NTM: variants seen among roughly 807,000 people sequenced by gnomAD.
NTM encodes IgLON family member 2.
In NTM, 13 loss-of-function variants were observed where a neutral mutation model predicts 42.1. The ratio of observed to expected loss-of-function variants is 0.31; its 90% CI spans 0.20 to 0.49. NTM has a LOEUF of 0.49. NTM is among the 20% of genes least tolerant of loss of function. NTM has a pLI of 0.99. For missense variants in NTM, 373 were observed against 452.8 expected, an observed-to-expected ratio of 0.82 and a Z score of 1.60; for synonymous variants, 187 against 179.2, an observed-to-expected ratio of 1.04 and a Z score of -0.35.
At chr11:131,551,348 A>T (rs2054635161) in intron 1 of NTM, among the ~76,000 whole-genome samples, 1 of 152,126 alleles carries the variant, frequency 6.6e-6, no homozygotes, top group South Asian at 2.1e-4. Context: ...GTTGGAAGTA[A>T]GCAAAAGAAG....
chr11:131,836,353 C>T (rs1370518330), intron 1 of NTM, among the ~76,000 whole-genome samples: 2 of 152,104 alleles, frequency 1.3e-5, no homozygotes, highest in Non-Finnish European at 2.9e-5. Context: ...ATCTTGTAAG[C>T]CCCCTTTAAA....
chr11:131,652,917 C>T (rs532906709), intron 1 of NTM, among the ~76,000 whole-genome samples: 10 of 152,348 alleles, frequency 6.6e-5, no homozygotes, highest in Non-Finnish European at 1.3e-4. Flanking sequence ...ATGCAACCTG[C>T]ACAATTGCCT....
At chr11:131,417,754 C>A (rs77974491) in intron 1 of NTM, among the ~76,000 whole-genome samples, 1 of 152,344 alleles carries the variant, frequency 6.6e-6, no homozygotes, top group East Asian at 1.9e-4. Flanking sequence ...TCTGGACCAG[C>A]TCTCTTCCTC....
chr11:132,036,558 T>C (rs2076533682), intron 2 of NTM, among the ~76,000 whole-genome samples: 1 of 152,060 alleles, frequency 6.6e-6, no homozygotes, highest in Admixed American at 6.6e-5. Flanking sequence ...ATGAGAAGGT[T>C]CAGTAACCTG....
chr11:131,593,673 C>T (rs1387646032), intron 1 of NTM, among the ~76,000 whole-genome samples: 3 of 152,324 alleles, frequency 2.0e-5, no homozygotes, highest in South Asian at 4.1e-4. Context: ...GCTGATAGTA[C>T]GTGGGCAAAG....
At chr11:131,876,429 A>G (rs1218765892) in intron 1 of NTM, among the ~76,000 whole-genome samples, 1 of 152,224 alleles carries the variant, frequency 6.6e-6, no homozygotes. Context: ...ACCAATCTTT[A>G]ATCCCTGGCT....
chr11:131,374,910 G>C (rs1941756356), intron 1 of NTM, among the ~76,000 whole-genome samples: 1 of 152,182 alleles, frequency 6.6e-6, no homozygotes, highest in African/African-American at 2.4e-5. Context: ...AGGATGAACA[G>C]GTCTGTGATT....
chr11:131,403,619 G>A (rs1012715324), intron 1 of NTM, among the ~76,000 whole-genome samples: 2 of 152,252 alleles, frequency 1.3e-5, no homozygotes, highest in Non-Finnish European at 1.5e-5. Flanking sequence ...CTACTGCCCA[G>A]GAATCCCACT....
At chr11:132,288,916 T>C (rs899015174) in intron 4 of NTM, among the ~76,000 whole-genome samples, 1 of 152,184 alleles carries the variant, frequency 6.6e-6, no homozygotes, top group African/African-American at 2.4e-5. Context: ...CCACCATGCC[T>C]GGTGCGATAA....
intron 1 of NTM, among the ~76,000 whole-genome samples, chr11:131,760,627 G>C (rs1431382839): frequency 6.6e-6 from 1 of 152,128 alleles, no homozygotes; most frequent in South Asian, 2.1e-4. Context: ...CGTTGGCAGC[G>C]GCTAATAGAG....
intron 2 of NTM, among the ~76,000 whole-genome samples, chr11:132,093,033 T>C (rs2136432488): frequency 6.6e-6 from 1 of 152,348 alleles, no homozygotes; most frequent in South Asian, 2.1e-4. Context: ...AATGGAAATA[T>C]GATTCTATCC....
chr11:131,404,088 C>T (rs902717079), intron 1 of NTM, among the ~76,000 whole-genome samples: 1 of 152,016 alleles, frequency 6.6e-6, no homozygotes, highest in Non-Finnish European at 1.5e-5. Context: ...TCTTGACCTC[C>T]CTTCTTCCTT....
chr11:132,245,952 G>A (rs1432548519), intron 4 of NTM, among the ~76,000 whole-genome samples: 3 of 152,154 alleles, frequency 2.0e-5, no homozygotes, highest in Non-Finnish European at 2.9e-5. Context: ...CCCAGCTGCC[G>A]CGTCAGGATC....
rs542043419 is a variant in NTM at position 132,173,723 on chromosome 11, C to T, written c.400+27209C>T. On this transcript the variant is annotated intron_variant, in intron 3 of 8. Coordinates refer to ENST00000683400, the MANE Select transcript of NTM (RefSeq NM_001352005.2). Reference sequence around the variant, plus strand: ...TGTTCCAAGTGAAGAGAGTGAGGCTCACAGATTGTGACTTGTGCCCAGGAA... The same window carrying T: ...TGTTCCAAGTGAAGAGAGTGAGGCTTACAGATTGTGACTTGTGCCCAGGAA... 4.6e-5 allele frequency among the ~76,000 whole-genome samples: 7 copies of T among 152,258 alleles called. No individual in the cohort carries two copies. In the South Asian group the frequency reaches 8.3e-4, roughly 18 times the overall value.
At chr11:131,566,438 TG>T (rs2056896206) in intron 1 of NTM, among the ~76,000 whole-genome samples, 3 of 151,898 alleles carry the variant, frequency 2.0e-5, no homozygotes, top group Non-Finnish European at 4.4e-5. Context: ...TGTGCGTGTG[TG>T]TGTGTGTGTG....
chr11:131,877,379 T>G (rs1250982720), intron 1 of NTM, among the ~76,000 whole-genome samples: 2 of 152,206 alleles, frequency 1.3e-5, no homozygotes, highest in Admixed American at 6.5e-5. Context: ...GAGTAGGCTA[T>G]CTTCAAGAGT....
intron 1 of NTM, among the ~76,000 whole-genome samples, chr11:131,866,584 G>A (rs2047246646): frequency 6.6e-6 from 1 of 152,232 alleles, no homozygotes; most frequent in Admixed American, 6.5e-5. Flanking sequence ...CCCCTCCCCT[G>A]CAAATCTATA....
chr11:132,243,852 C>T (rs140483042), intron 4 of NTM, among the ~76,000 whole-genome samples: 15 of 152,222 alleles, frequency 9.9e-5, no homozygotes, highest in Non-Finnish European at 1.3e-4. Context: ...CCCACAGAAC[C>T]CCCAGCCCTG....
intron 1 of NTM, among the ~76,000 whole-genome samples, chr11:131,855,041 C>A (rs1006637114): frequency 6.6e-6 from 1 of 152,172 alleles, no homozygotes; most frequent in Non-Finnish European, 1.5e-5. Flanking sequence ...AACATCTGGG[C>A]CCTGTGTCTG....
Sources: gnomAD v4.1 joint callset for allele counts (sites outside exome capture counted in the v4.1 genomes callset) on GRCh38, gnomAD v4.1.1 for gene constraint, MANE v1.5 for transcripts, NCBI Gene and HGNC (gene_info 2026-07-23, HGNC 2026-07-21) for gene names.